The following NELL2 variants were observed in gnomAD, a reference collection of about 807,000 sequenced individuals.
NELL2 encodes protein kinase C-binding protein NELL2.
A neutral mutation model predicts 109.6 loss-of-function variants in NELL2; 41 were observed. That is an observed-to-expected ratio of 0.37 (90% CI 0.29 to 0.49). The LOEUF is 0.49. Among genes scored for constraint, NELL2 ranks in the 20% least tolerant of loss-of-function variants. The pLI is 0.98. For synonymous variants in NELL2, 355 were observed against 344.7 expected (o/e 1.03, Z -0.33); for missense variants, 900 against 1,008.3 (o/e 0.89, Z 1.45).
At chr12:44,553,732 G>C (rs1297181755) in intron 15 of NELL2, among the ~76,000 whole-genome samples, 1 of 152,076 alleles carries the variant, frequency 6.6e-6, no homozygotes, top group Non-Finnish European at 1.5e-5. Flanking sequence ...ACGAAACAAA[G>C]AGACAAAAAG....
intron 19 of NELL2, among the ~76,000 whole-genome samples, chr12:44,513,406 A>C (rs1043737013): frequency 6.6e-6 from 1 of 151,962 alleles, no homozygotes; most frequent in African/African-American, 2.4e-5. Context: ...AAAAACAGGA[A>C]AATGTGGCTC....
At chr12:44,844,955 C>T (rs778395939) in intron 2 of NELL2, among the ~76,000 whole-genome samples, 1 of 152,032 alleles carries the variant, frequency 6.6e-6, no homozygotes, top group Non-Finnish European at 1.5e-5. Flanking sequence ...CAGAAAGTTG[C>T]CACATACTTC....
At chr12:44,647,857 T>A (rs984522269) in intron 13 of NELL2, among the ~76,000 whole-genome samples, 1 of 152,146 alleles carries the variant, frequency 6.6e-6, no homozygotes, top group African/African-American at 2.4e-5. Context: ...GGTGTCAAAA[T>A]CCAACCTAGT....
At chr12:44,574,665 T>C (rs1183692959) in intron 15 of NELL2, among the ~76,000 whole-genome samples, 1 of 152,164 alleles carries the variant, frequency 6.6e-6, no homozygotes, top group Non-Finnish European at 1.5e-5. Context: ...TTTATAGCAA[T>C]ATTACAAATT....
At chr12:44,833,426 T>C (rs959996456) in intron 2 of NELL2, among the ~76,000 whole-genome samples, 1 of 152,210 alleles carries the variant, frequency 6.6e-6, no homozygotes, top group African/African-American at 2.4e-5. Flanking sequence ...TGCTGCCTTA[T>C]AGTTTTCTCT....
intron 1 of NELL2, among the ~76,000 whole-genome samples, chr12:44,903,365 C>T (rs920654852): frequency 1.8e-4 from 27 of 151,842 alleles, no homozygotes; most frequent in Admixed American, 1.3e-4. Flanking sequence ...GTTAGAATGG[C>T]GTCATTAAAA....
intron 13 of NELL2, among the ~76,000 whole-genome samples, chr12:44,642,608 G>C (rs142879576): frequency 2.0e-5 from 3 of 152,188 alleles, no homozygotes; most frequent in Admixed American, 2.0e-4. Flanking sequence ...GTGGCCGGGC[G>C]TGGTGGATCA....
In NELL2 at chr12:44,532,690, T is replaced by C. The variant is rs770134378; in HGVS notation, c.1695A>G (p.Gln565=). 4 of 1,613,394 alleles carry C rather than the reference T, an allele frequency of 2.5e-6. No individual in the cohort carries two copies. Among genetic ancestry groups the C allele is most frequent in the South Asian group, 2.2e-5 (2 of 90,992 alleles). Residue 565 remains glutamine (Q), a synonymous_variant, in exon 16 of 20, where the codon CAA becomes CAG. Transcript: ENST00000429094. ...DIDECSDGFV[Q]CDSRANCINL... The stretch of plus-strand genomic sequence containing the variant: ...TAATGCAATTAGCACGACTGTCACA[T>C]TGAACAAAACCATCAGAGCATTCAT...
At chr12:44,550,883 ATGGTTAAACTG>A (rs1943021676) in intron 15 of NELL2, among the ~76,000 whole-genome samples, 1 of 152,166 alleles carries the variant, frequency 6.6e-6, no homozygotes, top group Non-Finnish European at 1.5e-5. Context: ...GGGGAAGGTG[ATGGTTAAACTG>A]TGCAAAGTTT....
At chr12:44,816,971 C>T (rs536850042) in intron 2 of NELL2, among the ~76,000 whole-genome samples, 2 of 152,336 alleles carry the variant, frequency 1.3e-5, no homozygotes, top group South Asian at 4.1e-4. Context: ...TCACAGTGTA[C>T]GCAAAGAAGA....
intron 2 of NELL2, among the ~76,000 whole-genome samples, chr12:44,864,732 T>C (rs1944939208): frequency 6.6e-6 from 1 of 152,110 alleles, no homozygotes; most frequent in Non-Finnish European, 1.5e-5. Flanking sequence ...AACAGACATA[T>C]AAAGAACATT....
intron 3 of NELL2, among the ~76,000 whole-genome samples, chr12:44,781,135 T>C (rs1319990646): frequency 1.3e-5 from 2 of 151,018 alleles, no homozygotes; most frequent in Non-Finnish European, 3.0e-5. Context: ...CAAAAACAAT[T>C]ATGAAAAGAC....
At chr12:44,526,669 C>G (rs1034604404) in intron 16 of NELL2, among the ~76,000 whole-genome samples, 1 of 152,234 alleles carries the variant, frequency 6.6e-6, no homozygotes, top group South Asian at 2.1e-4. Flanking sequence ...AGATCAAGAA[C>G]GATGTATAGA....
intron 1 of NELL2, among the ~76,000 whole-genome samples, chr12:44,919,537 C>T (rs1390824812): frequency 6.6e-6 from 1 of 152,068 alleles, no homozygotes; most frequent in African/African-American, 2.4e-5. Context: ...AGCCCTAATC[C>T]AATGTGACAG....
chr12:44,518,947 A>G (rs1423419528), intron 19 of NELL2, among the ~76,000 whole-genome samples: 2 of 152,240 alleles, frequency 1.3e-5, no homozygotes, highest in Admixed American at 1.3e-4. Flanking sequence ...TGCTTGATTG[A>G]CAAATTGCAT....
rs12229463 is a variant in NELL2, at chr12:44,660,212, A to G, written c.1444+5272T>C. ...AATTCAAAGGGGAACAGGGAAAGTT[A>G]AAAGGAAAATATGCATCTTACAATT... On this transcript the variant is annotated intron_variant, in intron 13 of 19. Transcript: ENST00000429094. Among the ~76,000 whole-genome samples the G allele has an allele frequency of 1.2e-3, 183 of 152,300 alleles. 3 individuals are homozygous for G. The East Asian group carries it at 0.026, about 21-fold the overall frequency.
At chr12:44,557,337 T>C (rs1343402295) in intron 15 of NELL2, among the ~76,000 whole-genome samples, 3 of 152,200 alleles carry the variant, frequency 2.0e-5, no homozygotes, top group African/African-American at 4.8e-5. Flanking sequence ...ATTCTTTTTC[T>C]GGTCTTAGCC....
intron 13 of NELL2, among the ~76,000 whole-genome samples, chr12:44,624,204 C>T (rs1267049425): frequency 1.3e-5 from 2 of 152,034 alleles, no homozygotes; most frequent in Non-Finnish European, 2.9e-5. Context: ...TTTACTTTCC[C>T]TTCTCTTTCC....
intron 13 of NELL2, among the ~76,000 whole-genome samples, chr12:44,649,078 T>C (rs1947209352): frequency 6.6e-6 from 1 of 152,078 alleles, no homozygotes; most frequent in Non-Finnish European, 1.5e-5. Context: ...AATGCCATCT[T>C]ACATTTTCAT....
Sources: allele counts gnomAD v4.1 joint callset (sites outside exome capture counted in the v4.1 genomes callset), GRCh38; gene constraint gnomAD v4.1.1; transcripts MANE v1.5; gene names NCBI Gene and HGNC (gene_info 2026-07-23, HGNC 2026-07-21).